ZNF222: variants seen among roughly 807,000 people sequenced by gnomAD.
The protein encoded by ZNF222 is zinc finger protein 222.
In ZNF222, 8 loss-of-function variants were observed where a neutral mutation model predicts 11.6. The observed-to-expected ratio is 0.69, with a 90% CI of 0.41 to 1.25. ZNF222 has a LOEUF of 1.25. ZNF222 is among the 50% of genes most tolerant of loss of function. The pLI is 0.01. For synonymous variants in ZNF222, 171 were observed against 195.6 expected, an observed-to-expected ratio of 0.87 and a Z score of 1.05; for missense variants, 483 against 576.1, an observed-to-expected ratio of 0.84 and a Z score of 1.65.
At chr19:44,026,974 C>T in intron 1 of ZNF222, 49 bp from the exon 2 acceptor site, 1 of 1,611,602 alleles carries the variant, frequency 6.2e-7, no homozygotes, top group Non-Finnish European at 8.5e-7. Context: ...TGCTGTCTCC[C>T]AATAGTCTTT....
In ZNF222 at chr19:44,031,770, C is replaced by T. The variant is rs752639892; in HGVS notation, c.263-47C>T. The T allele has an allele frequency of 2.4e-5, 38 of 1,578,332 alleles. No homozygotes were observed. The African/African-American group carries it at 2.8e-4, about 12-fold the overall frequency. ...TGCTGGGATTACAGGTGTGAGCCACCGTGCCTGGCCTACTTGTCCACATGT... is the reference window on the plus strand; with the variant it reads ...TGCTGGGATTACAGGTGTGAGCCACTGTGCCTGGCCTACTTGTCCACATGT... On this transcript the variant is annotated intron_variant, in intron 3 of 3. Transcript: ENST00000391960.
intron 3 of ZNF222, among the ~76,000 whole-genome samples, chr19:44,030,652 A>C (rs1004714032): frequency 6.6e-6 from 1 of 152,194 alleles, no homozygotes; most frequent in African/African-American, 2.4e-5. Context: ...GGAGTGGGGT[A>C]TGTTACATTG....
Position 44,032,662 on chromosome 19 carries a change from G to T in ZNF222, c.1108G>T (p.Val370Phe). ...KSFKWSSYLLVHQRVHTGEKP... is the reference protein window; with the variant it reads ...KSFKWSSYLLFHQRVHTGEKP... ...CTTCAAATGGTCCTCATATCTTTTG[G>T]TCCATCAACGAGTCCACACTGGAGA... Residue 370 changes from valine (V) to phenylalanine (F), a missense_variant, in exon 4 of 4, where the codon GTC (valine) becomes TTC (phenylalanine). Physicochemically the swap from Val to Phe is conservative, Grantham distance 50 (BLOSUM62 -1). Coordinates refer to ENST00000391960, the MANE Select transcript of ZNF222 (RefSeq NM_001129996.2). The T allele has an allele frequency of 6.2e-7, 1 of 1,613,632 alleles. No homozygotes were observed. The highest frequency in any genetic ancestry group is 8.5e-7 in the Non-Finnish European group (1 of 1,179,906).
chr19:44,026,153 G>T, intron 1 of ZNF222: 15 of 1,528,116 alleles, frequency 9.8e-6, no homozygotes, highest in Non-Finnish European at 1.4e-5. Context: ...TGTAGGATTT[G>T]TCCCTCGGGC....
Position 44,027,030 on chromosome 19 carries a change from T to C in ZNF222, c.50T>C (p.Val17Ala). The C allele has an allele frequency of 6.2e-7, 1 of 1,614,030 alleles. No homozygotes were observed. The highest frequency in any genetic ancestry group is 8.5e-7 in the Non-Finnish European group (1 of 1,179,958). ...KKPGRRAEEA[V>A]TFKDVAVIFT... ...ATCTGCTTGATGTTGTAGGAGGCAGTGACCTTCAAGGATGTGGCTGTGATC... is the reference window on the plus strand; with the variant it reads ...ATCTGCTTGATGTTGTAGGAGGCAGCGACCTTCAAGGATGTGGCTGTGATC... The change falls in exon 2 of 4, where the codon GTG becomes GCG. Residue 17 changes from valine (V) to alanine (A), a missense_variant. Physicochemically the swap from Val to Ala is moderately conservative, Grantham distance 64. Transcript: ENST00000391960.
intron 3 of ZNF222, among the ~76,000 whole-genome samples, chr19:44,027,987 C>A (rs1976416649): frequency 6.6e-6 from 1 of 152,210 alleles, no homozygotes; most frequent in African/African-American, 2.4e-5. Flanking sequence ...ACACATCTCA[C>A]TGGGCAAAAA....
chr19:44,026,689 G>T (rs942097805), intron 1 of ZNF222, among the ~76,000 whole-genome samples: 2 of 151,740 alleles, frequency 1.3e-5, no homozygotes, highest in African/African-American at 4.9e-5. Flanking sequence ...CAAAGGGCCC[G>T]CGACTCAAAC....
At position 44,025,889 on chromosome 19, in the gene ZNF222, C is replaced by CT. The variant is rs1976348732; in HGVS notation, c.42+413dup. 4.7e-6 allele frequency: 4 copies of CT among 854,984 alleles called. No homozygotes were observed. Among genetic ancestry groups the CT allele is most frequent in the Non-Finnish European group, 1.8e-6 (1 of 558,310 alleles). 53.0% of individuals were successfully genotyped at this position (854,984 alleles called of 1,614,324 possible). On this transcript the variant is annotated intron_variant, in intron 1 of 3. Transcript: ENST00000391960. The surrounding 1 kb of genome is among the most constrained non-coding windows in gnomAD (Gnocchi z 4.6). ...AGCTCCAGCTGCAGGGGCGCCGGCC[C>CT]TTCTGCCTGATCCCTGCAGGACGCT... is the stretch of plus-strand genomic sequence containing the variant.
intron 1 of ZNF222, chr19:44,026,157 C>G: frequency 6.7e-7 from 1 of 1,494,424 alleles, no homozygotes. Context: ...GGATTTGTCC[C>G]TCGGGCATGG....
Position 44,032,389 on chromosome 19 carries a change from A to G in ZNF222, c.835A>G (p.Met279Val), listed in dbSNP as rs1976525037. 1.9e-6 allele frequency: 3 copies of G among 1,614,220 alleles called. No individual in the cohort carries two copies. The highest frequency in any genetic ancestry group is 2.5e-6 in the Non-Finnish European group (3 of 1,180,036). ...TTGTGAGAAATGTGGGAAGGCTTTC[A>G]TGCACAATTTCCAGCTTCAGAAACA... The part of the protein sequence containing the change: ...YNCEKCGKAF[M>V]HNFQLQKHHR... The change falls in exon 4 of 4, where the codon ATG (methionine) becomes GTG (valine). Residue 279 changes from methionine (M) to valine (V), a missense_variant. By Grantham distance (21) the Met-to-Val change is conservative (BLOSUM62 1). Coordinates refer to ENST00000391960, the MANE Select transcript of ZNF222 (RefSeq NM_001129996.2).
At position 44,025,442 on chromosome 19, in the gene ZNF222, C is replaced by T; in HGVS notation, c.6C>T (p.Ile2=). ...TTGGGGCTCGCAACCACCCAATGAT[C>T]GATTCAGGAGAAAAGAAGCCTGGGC... M[I]DSGEKKPGRR... Residue 2 remains isoleucine (I), a synonymous_variant, in exon 1 of 4, where the codon ATC becomes ATT. Coordinates refer to ENST00000391960, the MANE Select transcript of ZNF222 (RefSeq NM_001129996.2). The surrounding 1 kb of genome is among the most constrained non-coding windows in gnomAD (Gnocchi z 4.6). 1 of 1,551,550 alleles carries T rather than the reference C, an allele frequency of 6.4e-7. No individual in the cohort carries two copies. Among genetic ancestry groups the T allele is most frequent in the African/African-American group, 1.4e-5 (1 of 73,142 alleles).
chr19:44,032,680 A>G lies in ZNF222; in HGVS notation c.1126A>G (p.Thr376Ala), dbSNP rs576480545. ...SYLLVHQRVH[T>A]GEKPYKCEEC... is the part of the protein sequence containing the mutation. The stretch of plus-strand genomic sequence containing the variant: ...TCTTTTGGTCCATCAACGAGTCCAC[A>G]CTGGAGAAAAGCCATACAAATGTGA... Residue 376 changes from threonine to alanine, a missense_variant, in exon 4 of 4, where the codon ACT (threonine) becomes GCT (alanine). Coordinates refer to ENST00000391960, the MANE Select transcript of ZNF222 (RefSeq NM_001129996.2). The G allele has an allele frequency of 1.1e-5, 18 of 1,614,244 alleles. 1 individual carries two copies. In the East Asian group the frequency reaches 1.3e-4, roughly 12 times the overall value.
intron 3 of ZNF222, among the ~76,000 whole-genome samples, chr19:44,030,074 G>T (rs1976469252): frequency 6.6e-6 from 1 of 152,160 alleles, no homozygotes; most frequent in East Asian, 1.9e-4. Flanking sequence ...AGTATAAAAA[G>T]TTATAAAGCC....
At position 44,032,767 on chromosome 19, in the gene ZNF222, G is replaced by A. The variant is rs200770263; in HGVS notation, c.1213G>A (p.Gly405Arg). The A allele has an allele frequency of 1.2e-6, 2 of 1,614,136 alleles. No individual in the cohort carries two copies. The highest frequency in any genetic ancestry group is 1.7e-6 in the Non-Finnish European group (2 of 1,180,028). The stretch of plus-strand genomic sequence containing the variant: ...TGACTTCCACCATAGAACCCACACG[G>A]GAGAGAGATCTTATAACTGTGATAA... Reference protein sequence around the residue: ...GLDFHHRTHTGERSYNCDNCG... With the variant: ...GLDFHHRTHTRERSYNCDNCG... Residue 405 changes from glycine (G) to arginine (R), a missense_variant, in exon 4 of 4, where the codon GGA becomes AGA. Transcript: ENST00000391960.
At chr19:44,030,680 C>T (rs1207518005) in intron 3 of ZNF222, among the ~76,000 whole-genome samples, 1 of 152,166 alleles carries the variant, frequency 6.6e-6, no homozygotes, top group Non-Finnish European at 1.5e-5. Flanking sequence ...TAGCATGTGA[C>T]TTAGACACAG....
chr19:44,033,077 T>TGTG lies in ZNF222; in HGVS notation c.*48_*50dup. 7.1e-7 allele frequency: 1 copy of TGTG among 1,407,796 alleles called. No individual in the cohort carries two copies. Among genetic ancestry groups the TGTG allele is most frequent in the South Asian group, 1.6e-5 (1 of 60,706 alleles). 87.2% of individuals were successfully genotyped at this position (1,407,796 alleles called of 1,614,324 possible). A position where few individuals can be genotyped will look rare whatever the true frequency, so the allele number is the denominator to read the frequency against. ...TGAAATTTGATACATGTATATAATG[T>TGTG]GTGCTGATTAAATCAGTTTAATTTC... On this transcript the variant is annotated 3_prime_UTR_variant, in exon 4 of 4. Transcript: ENST00000391960.
intron 1 of ZNF222, among the ~76,000 whole-genome samples, 181 bp from the exon 2 acceptor site, chr19:44,026,841 AC>A (rs367758444): frequency 6.6e-6 from 1 of 152,040 alleles, no homozygotes; most frequent in East Asian, 1.9e-4. Context: ...TCCATTCCAA[AC>A]CCCTATTGCC....
chr19:44,025,549 G>C lies in ZNF222; in HGVS notation c.42+71G>C, dbSNP rs1379310488. 6.8e-7 allele frequency: 1 copy of C among 1,463,540 alleles called. No individual in the cohort carries two copies. Among genetic ancestry groups the C allele is most frequent in the Non-Finnish European group, 9.1e-7 (1 of 1,101,144 alleles). 90.7% of individuals were successfully genotyped at this position (1,463,540 alleles called of 1,614,324 possible). A position where few individuals can be genotyped will look rare whatever the true frequency, so the allele number is the denominator to read the frequency against. On this transcript the variant is annotated intron_variant, in intron 1 of 3. Coordinates refer to ENST00000391960, the MANE Select transcript of ZNF222 (RefSeq NM_001129996.2). The surrounding 1 kb of genome is among the most constrained non-coding windows in gnomAD (Gnocchi z 4.6). ...CTTCTGGCGTCGGGGGGCTCTGCTA[G>C]GGTCTCAGGGAGTGGGATTGGCGCG... is the stretch of plus-strand genomic sequence containing the variant.
chr19:44,028,691 C>A (rs371070844), intron 3 of ZNF222, among the ~76,000 whole-genome samples: 48 of 152,286 alleles, frequency 3.2e-4, no homozygotes, highest in African/African-American at 1.1e-3. Flanking sequence ...ACCTAGAATA[C>A]TCCTGGTACA....
Sources: allele counts gnomAD v4.1 joint callset (sites outside exome capture counted in the v4.1 genomes callset), GRCh38; gene constraint gnomAD v4.1.1; non-coding constraint Gnocchi (gnomAD v3.1); transcripts MANE v1.5; gene names NCBI Gene and HGNC (gene_info 2026-07-23, HGNC 2026-07-21).